The following FANCB variants were observed in gnomAD, a reference collection of about 807,000 sequenced individuals.
FANCB encodes the protein FA complementation group B, also known as Fanconi anemia group B protein.
FANCB carries 5 observed loss-of-function variants against 38.9 expected under a neutral mutation model. The observed-to-expected ratio is 0.13, with a 90% CI of 0.07 to 0.27. The LOEUF is 0.27. FANCB is among the 10% of genes least tolerant of loss of function. The pLI is 1.00. For synonymous variants in FANCB, 236 were observed against 215.4 expected (o/e 1.10, Z -0.84); for missense variants, 573 against 602.7 (o/e 0.95, Z 0.52).
the FANCB span, among the ~76,000 whole-genome samples, chrX:14,744,216 C>T: frequency 9.0e-6 from 1 of 111,402 alleles, no homozygotes; most frequent in African/African-American, 3.3e-5. Context: ...ATTCTTTCTG[C>T]CTCTAACAAC....
the FANCB span, among the ~76,000 whole-genome samples, chrX:14,707,043 AC>A: frequency 1.8e-5 from 2 of 109,803 alleles, no homozygotes; most frequent in Admixed American, 1.9e-4. Flanking sequence ...TTACAAAAAT[AC>A]CTGTCTTAAA....
intron 3 of FANCB, among the ~76,000 whole-genome samples, chrX:14,863,172 G>A (rs990039148): frequency 2.7e-5 from 3 of 111,671 alleles, no homozygotes; most frequent in African/African-American, 9.8e-5. Context: ...ATTCCAACTT[G>A]ACATTCCTCC....
At chrX:14,733,657 ACT>A in the FANCB span, among the ~76,000 whole-genome samples, 1 of 110,787 alleles carries the variant, frequency 9.0e-6, no homozygotes, top group African/African-American at 3.3e-5. Flanking sequence ...TCATCATTTG[ACT>A]CTCTGTTTAT....
the FANCB span, among the ~76,000 whole-genome samples, chrX:14,733,128 T>C: frequency 1.8e-5 from 2 of 112,055 alleles, no homozygotes. Context: ...TATTAGAGAA[T>C]CCTTTCCCCA....
the FANCB span, among the ~76,000 whole-genome samples, chrX:14,705,669 T>C: frequency 1.8e-5 from 2 of 112,014 alleles, no homozygotes; most frequent in Non-Finnish European, 3.8e-5. Flanking sequence ...GAAAAACCTT[T>C]CATTAAGAAT....
At chrX:14,866,027 T>C (rs756274691) in intron 2 of FANCB, among the ~76,000 whole-genome samples, 16 of 111,709 alleles carry the variant, frequency 1.4e-4, no homozygotes, top group South Asian at 3.7e-4. Context: ...CCCAAATACG[T>C]TGATTTTCAA....
the FANCB span, among the ~76,000 whole-genome samples, chrX:14,813,382 A>G: frequency 4.5e-5 from 5 of 110,284 alleles, no homozygotes; most frequent in African/African-American, 6.6e-5. Flanking sequence ...AATTGTCCCT[A>G]TTTGCAGATG....
the FANCB span, among the ~76,000 whole-genome samples, chrX:14,797,419 C>T: frequency 8.0e-5 from 9 of 112,252 alleles, no homozygotes; most frequent in Non-Finnish European, 1.3e-4. Flanking sequence ...ACATGGCTCA[C>T]GCCTGTAATC....
chrX:14,817,815 A>C, the FANCB span, among the ~76,000 whole-genome samples: 1 of 111,481 alleles, frequency 9.0e-6, no homozygotes, highest in African/African-American at 3.3e-5. Context: ...GGATTACCTA[A>C]TCTAATTGTT....
At chrX:14,870,918 C>A (rs769094047) in intron 1 of FANCB, among the ~76,000 whole-genome samples, 1 of 111,809 alleles carries the variant, frequency 8.9e-6, no homozygotes, top group South Asian at 3.7e-4. Flanking sequence ...CCTAATAATA[C>A]TGAACATAAT....
At chrX:14,792,254 A>G in the FANCB span, among the ~76,000 whole-genome samples, 1 of 111,589 alleles carries the variant, frequency 9.0e-6, no homozygotes, top group East Asian at 2.8e-4. Context: ...CAATCTCAAA[A>G]GAGATATGTG....
the FANCB span, among the ~76,000 whole-genome samples, chrX:14,711,392 C>T: frequency 2.7e-5 from 3 of 112,267 alleles, no homozygotes; most frequent in Non-Finnish European, 5.6e-5. Context: ...GGTTCTGATA[C>T]GCTAATTAGA....
Position 14,855,192 on chromosome X carries a change from C to T in FANCB, c.1198-2025G>A, listed in dbSNP as rs1241788780. Among the ~76,000 whole-genome samples the T allele has an allele frequency of 2.7e-5, 3 of 111,930 alleles. No individual in the cohort carries two copies. The South Asian group carries it at 1.1e-3, about 42-fold the overall frequency. On this transcript the variant is annotated intron_variant, in intron 5 of 9. Transcript: ENST00000650831. Reference sequence around the variant, plus strand: ...AGATTCTCTAAGGTCCTGGTCTCCCCATCTCCCCTTCCAGTAACTGATTAG... The same window carrying T: ...AGATTCTCTAAGGTCCTGGTCTCCCTATCTCCCCTTCCAGTAACTGATTAG...
the FANCB span, among the ~76,000 whole-genome samples, chrX:14,757,515 G>A: frequency 2.7e-5 from 3 of 112,004 alleles, no homozygotes; most frequent in Non-Finnish European, 5.6e-5. Context: ...AAAACTGTGA[G>A]TGCTCTAAGA....
the FANCB span, among the ~76,000 whole-genome samples, chrX:14,780,640 T>C: frequency 3.6e-5 from 4 of 110,690 alleles, no homozygotes; most frequent in Middle Eastern, 4.6e-3. Context: ...ATTTTAGGCT[T>C]TGCAAGCCAG....
At chrX:14,831,181 T>TTTTC (rs1452610359), downstream of FANCB, among the ~76,000 whole-genome samples, 4 of 112,028 alleles carry the variant, frequency 3.6e-5, no homozygotes. Flanking sequence ...TTCATTCATG[T>TTTTC]TTTCTTGAAA....
At chrX:14,818,024 C>T in the FANCB span, among the ~76,000 whole-genome samples, 16 of 111,233 alleles carry the variant, frequency 1.4e-4, no homozygotes, top group African/African-American at 5.2e-4. Flanking sequence ...GGCAACTCAA[C>T]AGGGATAGAC....
At chrX:14,800,881 G>A in the FANCB span, among the ~76,000 whole-genome samples, 1 of 111,710 alleles carries the variant, frequency 9.0e-6, no homozygotes, top group Non-Finnish European at 1.9e-5. Flanking sequence ...ATTTTTGTAT[G>A]TGAAATCCAA....
At chrX:14,831,026 CCA>C (rs201032201), downstream of FANCB, among the ~76,000 whole-genome samples, 1,232 of 112,036 alleles carry the variant, frequency 0.011, 7 homozygotes, top group Non-Finnish European at 0.013. Flanking sequence ...ATGTTAGTCT[CCA>C]CAGTGTTTAA....
Sources: allele counts gnomAD v4.1 joint callset (sites outside exome capture counted in the v4.1 genomes callset), GRCh38; gene constraint gnomAD v4.1.1; transcripts MANE v1.5; gene names NCBI Gene and HGNC (gene_info 2026-07-23, HGNC 2026-07-21).